NRXN3: variants seen among roughly 807,000 people sequenced by gnomAD.
NRXN3 encodes the protein neurexin III.
Under a neutral mutation model 137.6 loss-of-function variants are expected in NRXN3, and 32 were observed. That is an observed-to-expected ratio of 0.23 (90% CI 0.18 to 0.31). NRXN3 has a LOEUF of 0.31. NRXN3 is among the 10% of genes least tolerant of loss of function. The pLI is 1.00. For missense variants in NRXN3, 1,574 were observed against 2,062.5 expected (o/e 0.76, Z 4.59); for synonymous variants, 798 against 784.5 (o/e 1.02, Z -0.29).
chr14:79,853,280 T>G (rs1436203627), intron 20 of NRXN3, among the ~76,000 whole-genome samples: 1 of 152,180 alleles, frequency 6.6e-6, no homozygotes, highest in Non-Finnish European at 1.5e-5. Context: ...CTAGTCTTCT[T>G]GTTTTTGCTT....
intron 16 of NRXN3, among the ~76,000 whole-genome samples, chr14:79,505,834 G>T (rs2096873197): frequency 6.6e-6 from 1 of 152,152 alleles, no homozygotes; most frequent in Non-Finnish European, 1.5e-5. Context: ...AATGTTAGTG[G>T]CATAAAACAA....
At chr14:78,300,835 A>G (rs767924370) in intron 4 of NRXN3, 32 of 651,116 alleles carry the variant, frequency 4.9e-5, no homozygotes, top group Non-Finnish European at 7.3e-5. Flanking sequence ...GAATAAAAAT[A>G]AAAAGCCAAT....
chr14:79,398,903 G>A (rs1043246113), intron 15 of NRXN3, among the ~76,000 whole-genome samples: 3 of 151,154 alleles, frequency 2.0e-5, no homozygotes, highest in South Asian at 2.1e-4. Context: ...CCAGCTACTC[G>A]GTACACTGAG....
At chr14:79,230,880 A>T (rs1356919818) in intron 15 of NRXN3, among the ~76,000 whole-genome samples, 1 of 152,070 alleles carries the variant, frequency 6.6e-6, no homozygotes, top group Non-Finnish European at 1.5e-5. Context: ...CATCTGTAAA[A>T]TGGGGAGAAA....
chr14:78,778,614 TTCTGAAA>T (rs2098752316), intron 8 of NRXN3, among the ~76,000 whole-genome samples: 1 of 152,128 alleles, frequency 6.6e-6, no homozygotes, highest in African/African-American at 2.4e-5. Context: ...TATGAATACG[TTCTGAAA>T]CTTTACCATA....
chr14:78,394,750 G>A lies in NRXN3; in HGVS notation c.757+96890G>A, dbSNP rs535954585. Among the ~76,000 whole-genome samples, 133 of 151,938 alleles carry A rather than the reference G, an allele frequency of 8.8e-4. 1 individual carries two copies. The highest frequency in any genetic ancestry group is 3.1e-3 in the African/African-American group (127 of 41,514). On this transcript the variant is annotated intron_variant, in intron 4 of 20. Transcript: ENST00000335750. ...TAGATTTAATTTCCTTAATAGTTATGTAGCTATTCAAATGATCTCTTCCAT... is the reference window on the plus strand; with the variant it reads ...TAGATTTAATTTCCTTAATAGTTATATAGCTATTCAAATGATCTCTTCCAT...
At chr14:79,083,996 C>A (rs1477736182) in intron 15 of NRXN3, among the ~76,000 whole-genome samples, 1 of 152,122 alleles carries the variant, frequency 6.6e-6, no homozygotes, top group Non-Finnish European at 1.5e-5. Context: ...CCTCGACCCC[C>A]ACCCCTAAGC....
At chr14:79,200,884 CAGAA>C (rs1244839829) in intron 15 of NRXN3, 2 of 122,616 alleles carry the variant, frequency 1.6e-5, no homozygotes, top group African/African-American at 6.3e-5. Context: ...CCTCAGGGGA[CAGAA>C]AGAACATATG....
chr14:79,741,399 T>C (rs1431473124), intron 19 of NRXN3, among the ~76,000 whole-genome samples: 1 of 152,148 alleles, frequency 6.6e-6, no homozygotes, highest in African/African-American at 2.4e-5. Context: ...AATTTCCTCT[T>C]AAAATTTCAA....
intron 4 of NRXN3, among the ~76,000 whole-genome samples, chr14:78,578,101 C>G (rs1342674727): frequency 6.6e-6 from 1 of 152,024 alleles, no homozygotes; most frequent in Non-Finnish European, 1.5e-5. Context: ...ATTACCATGA[C>G]TTCAAAATTT....
At chr14:79,699,185 C>A (rs540980936) in intron 19 of NRXN3, among the ~76,000 whole-genome samples, 3 of 151,918 alleles carry the variant, frequency 2.0e-5, no homozygotes, top group Non-Finnish European at 2.9e-5. Context: ...TACACACATG[C>A]TCACGAGAAA....
At chr14:79,639,183 A>G (rs1052067647) in intron 16 of NRXN3, among the ~76,000 whole-genome samples, 3 of 152,166 alleles carry the variant, frequency 2.0e-5, no homozygotes, top group Admixed American at 2.0e-4. Context: ...TTCAAGACAA[A>G]ATTTAAAGAG....
intron 4 of NRXN3, among the ~76,000 whole-genome samples, chr14:78,300,429 G>C (rs1256509976): frequency 6.6e-6 from 1 of 152,264 alleles, no homozygotes. Flanking sequence ...TGAGGGAGCA[G>C]CCTTGCTGGT....
At chr14:79,832,643 T>A (rs1259460869) in intron 20 of NRXN3, among the ~76,000 whole-genome samples, 1 of 152,108 alleles carries the variant, frequency 6.6e-6, no homozygotes, top group African/African-American at 2.4e-5. Context: ...CAGAGAATTA[T>A]CCCACCCAAA....
chr14:78,463,476 C>T (rs764491160), intron 4 of NRXN3, among the ~76,000 whole-genome samples: 9 of 151,636 alleles, frequency 5.9e-5, no homozygotes, highest in Non-Finnish European at 1.0e-4. Flanking sequence ...AATCTCCATA[C>T]TATTTTCCGT....
chr14:79,447,593 C>T (rs1198477293), intron 15 of NRXN3, among the ~76,000 whole-genome samples: 1 of 152,202 alleles, frequency 6.6e-6, no homozygotes, highest in Non-Finnish European at 1.5e-5. Context: ...AAGGACCTGC[C>T]AACATCCTTG....
chr14:78,940,633 G>C (rs2099351249), intron 10 of NRXN3, among the ~76,000 whole-genome samples: 1 of 152,174 alleles, frequency 6.6e-6, no homozygotes, highest in Non-Finnish European at 1.5e-5. Context: ...TGTACAACAA[G>C]TTGGCAGATA....
chr14:79,387,613 A>G (rs891926244), intron 15 of NRXN3, among the ~76,000 whole-genome samples: 4 of 151,790 alleles, frequency 2.6e-5, no homozygotes, highest in Non-Finnish European at 5.9e-5. Flanking sequence ...GTATATACCT[A>G]AAGGATTATA....
chr14:78,518,844 T>C (rs2096248600), intron 4 of NRXN3, among the ~76,000 whole-genome samples: 1 of 152,022 alleles, frequency 6.6e-6, no homozygotes, highest in South Asian at 2.1e-4. Flanking sequence ...AACTACTCGT[T>C]CTGGAGGTGA....
Sources: gnomAD v4.1 joint callset for allele counts (sites outside exome capture counted in the v4.1 genomes callset) on GRCh38, gnomAD v4.1.1 for gene constraint, MANE v1.5 for transcripts, NCBI Gene and HGNC (gene_info 2026-07-23, HGNC 2026-07-21) for gene names.